Variants in IGSF10 observed in about 807,000 individuals in gnomAD.
The protein encoded by IGSF10 is calvaria mechanical force protein 608.
A neutral mutation model predicts 128.2 loss-of-function variants in IGSF10; 126 were observed. That is an observed-to-expected ratio of 0.98 (90% CI 0.85 to 1.14). The LOEUF (loss-of-function observed/expected upper bound fraction) is 1.14. Ranked by LOEUF, IGSF10 falls within the 50% of genes most tolerant of loss-of-function variation. The pLI is 0.00. For synonymous variants in IGSF10, 1,185 were observed against 1,146.2 expected (o/e 1.03, Z -0.68); for missense variants, 3,295 against 3,149.8 (o/e 1.05, Z -1.10).
At chr3:151,535,101 A>G in the IGSF10 span, among the ~76,000 whole-genome samples, 1 of 152,180 alleles carries the variant, frequency 6.6e-6, no homozygotes, top group East Asian at 1.9e-4. Context: ...TTTTGAGAGA[A>G]CTAAATGAGA....
At chr3:151,442,344 G>C (rs1382848670) in intron 7 of IGSF10, among the ~76,000 whole-genome samples, 2 of 147,480 alleles carry the variant, frequency 1.4e-5, no homozygotes, top group African/African-American at 5.0e-5. Context: ...TCTCTGTTTT[G>C]TTTACAGAGA....
chr3:151,488,247 A>G, the IGSF10 span, among the ~76,000 whole-genome samples: 1 of 152,186 alleles, frequency 6.6e-6, no homozygotes, highest in Admixed American at 6.5e-5. Context: ...TTAAGTACCT[A>G]GGAATACAAC....
the IGSF10 span, among the ~76,000 whole-genome samples, chr3:151,563,220 C>G: frequency 1.3e-5 from 2 of 152,080 alleles, no homozygotes; most frequent in Non-Finnish European, 2.9e-5. Context: ...AATAAACAGC[C>G]TTGACCGTGA....
the IGSF10 span, among the ~76,000 whole-genome samples, chr3:151,573,137 C>G: frequency 2.6e-5 from 4 of 152,034 alleles, no homozygotes; most frequent in Non-Finnish European, 5.9e-5. Flanking sequence ...CTGAGGAGTG[C>G]CTTACTTCCA....
At position 151,446,667 on chromosome 3, in the gene IGSF10, A is replaced by G; in HGVS notation, c.3314T>C (p.Leu1105Pro). The change falls in exon 6 of 8, where the codon CTA (leucine) becomes CCA (proline). Residue 1105 changes from leucine to proline, a missense_variant. Leu to Pro is a moderately conservative substitution (Grantham distance 98). Coordinates refer to ENST00000282466, the MANE Select transcript of IGSF10 (RefSeq NM_178822.5). ...AAGTAGTAATAGTGGATTCTGGACT[A>G]GAGTTGTAGACTCTTCTGATGGGAC... The part of the protein sequence containing the change: ...ARVPSEESTT[L>P]VQNPLLLLEN... 6.2e-7 allele frequency: 1 copy of G among 1,614,038 alleles called. No homozygotes were observed. The highest frequency in any genetic ancestry group is 1.1e-5 in the South Asian group (1 of 91,074).
chr3:151,580,782 T>C, the IGSF10 span, among the ~76,000 whole-genome samples: 2 of 152,226 alleles, frequency 1.3e-5, no homozygotes, highest in Non-Finnish European at 2.9e-5. Flanking sequence ...AATTCTAACA[T>C]TCTTTGTGCC....
At chr3:151,519,692 G>C in the IGSF10 span, among the ~76,000 whole-genome samples, 1 of 151,634 alleles carries the variant, frequency 6.6e-6, no homozygotes, top group African/African-American at 2.4e-5. Flanking sequence ...TGCTAAAAAG[G>C]CAAAATAAAG....
chr3:151,604,604 CA>C, the IGSF10 span, among the ~76,000 whole-genome samples: 1 of 150,452 alleles, frequency 6.6e-6, no homozygotes, highest in Admixed American at 6.6e-5. Context: ...CACACACACA[CA>C]CACACACACA....
At chr3:151,606,731 G>A in the IGSF10 span, among the ~76,000 whole-genome samples, 2 of 152,146 alleles carry the variant, frequency 1.3e-5, no homozygotes, top group East Asian at 1.9e-4. Context: ...ACACACAGAC[G>A]AACTGGGCCC....
At chr3:151,444,816 A>C in intron 6 of IGSF10, 103 bp downstream of exon 6, 1 of 1,116,832 alleles carries the variant, frequency 9.0e-7, no homozygotes. Flanking sequence ...TCTTAGAAAA[A>C]TTTGAAACTG....
At chr3:151,497,519 T>C in the IGSF10 span, among the ~76,000 whole-genome samples, 3 of 152,330 alleles carry the variant, frequency 2.0e-5, no homozygotes, top group African/African-American at 4.8e-5. Flanking sequence ...GGCTCTGTTC[T>C]GTTCCATTGG....
At chr3:151,483,719 C>A in the IGSF10 span, among the ~76,000 whole-genome samples, 1 of 152,154 alleles carries the variant, frequency 6.6e-6, no homozygotes, top group African/African-American at 2.4e-5. Context: ...TCAGGGAACT[C>A]CCTCTCTTAG....
chr3:151,484,082 GA>G, the IGSF10 span, among the ~76,000 whole-genome samples: 1 of 152,206 alleles, frequency 6.6e-6, no homozygotes, highest in Non-Finnish European at 1.5e-5. Flanking sequence ...ACAGCAGTCT[GA>G]GCTCAACCTG....
At chr3:151,453,809 C>T in intron 4 of IGSF10, 35 bp from the exon 5 acceptor site, 1 of 1,328,284 alleles carries the variant, frequency 7.5e-7, no homozygotes, top group Non-Finnish European at 1.0e-6. Flanking sequence ...TTTATGTTGT[C>T]AAAGGAATTT....
Position 151,438,392 on chromosome 3 carries a change from G to C in IGSF10, c.6169C>G (p.Gln2057Glu), listed in dbSNP as rs1242769196. Residue 2057 changes from glutamine to glutamate, a missense_variant, in exon 8 of 8, where the codon CAA (glutamine) becomes GAA (glutamate). Transcript: ENST00000282466. ...RKQVLHGKDF[Q>E]VDCKASGSPV... ...GAGCCGGAAGCTTTGCAATCTACTTGGAAATCTTTCCCATGGAGCACTTGC... is the reference window on the plus strand; with the variant it reads ...GAGCCGGAAGCTTTGCAATCTACTTCGAAATCTTTCCCATGGAGCACTTGC... The C allele has an allele frequency of 1.9e-6, 3 of 1,614,084 alleles. No individual in the cohort carries two copies. Among genetic ancestry groups the C allele is most frequent in the Non-Finnish European group, 1.7e-6 (2 of 1,180,000 alleles).
the IGSF10 span, among the ~76,000 whole-genome samples, chr3:151,580,951 G>T: frequency 6.6e-6 from 1 of 151,086 alleles, no homozygotes; most frequent in Non-Finnish European, 1.5e-5. Flanking sequence ...TATAAAATCA[G>T]ATTTTTTTTT....
At chr3:151,581,228 G>A in the IGSF10 span, among the ~76,000 whole-genome samples, 4 of 152,204 alleles carry the variant, frequency 2.6e-5, no homozygotes, top group African/African-American at 7.2e-5. Context: ...CAGAAGTGAC[G>A]TAATGTGGTA....
At chr3:151,531,036 A>G in the IGSF10 span, among the ~76,000 whole-genome samples, 2 of 152,304 alleles carry the variant, frequency 1.3e-5, no homozygotes, top group Admixed American at 1.3e-4. Context: ...AGGGGTTGCA[A>G]TCCTAGTATC....
rs755704063 is a variant in IGSF10 at position 151,448,601 on chromosome 3, T to C, written c.1380A>G (p.Leu460=). The C allele has an allele frequency of 2.5e-6, 4 of 1,614,006 alleles. No homozygotes were observed. Among genetic ancestry groups the C allele is most frequent in the Non-Finnish European group, 3.4e-6 (4 of 1,179,912 alleles). The change falls in exon 6 of 8, where the codon TTA becomes TTG. Residue 460 remains leucine (L), a synonymous_variant. Coordinates refer to ENST00000282466, the MANE Select transcript of IGSF10 (RefSeq NM_178822.5). The part of the protein sequence containing the change: ...IQYSSDAQIT[L]PRAEMRPVKH... ...TCACTGGCCTCATCTCTGCTCTTGG[T>C]AAAGTGATTTGAGCATCACTGGAGT...
Sources: allele counts gnomAD v4.1 joint callset (sites outside exome capture counted in the v4.1 genomes callset), GRCh38; gene constraint gnomAD v4.1.1; transcripts MANE v1.5; gene names NCBI Gene and HGNC (gene_info 2026-07-23, HGNC 2026-07-21).